Variants in USP19 observed in about 807,000 individuals in gnomAD.
The protein encoded by USP19 is ubiquitin carboxyl-terminal hydrolase 19.
A neutral mutation model predicts 144.8 loss-of-function variants in USP19; 40 were observed. The observed-to-expected ratio is 0.28, with a 90% CI of 0.21 to 0.36. The LOEUF (loss-of-function observed/expected upper bound fraction) is 0.36. Among genes scored for constraint, USP19 ranks in the 10% least tolerant of loss-of-function variants. USP19 has a pLI of 1.00. For missense variants in USP19, 1,518 were observed against 1,822.5 expected, an observed-to-expected ratio of 0.83 and a Z score of 3.04; for synonymous variants, 701 against 709.3, an observed-to-expected ratio of 0.99 and a Z score of 0.19.
Position 49,117,987 on chromosome 3 carries a change from T to G in USP19, c.258A>C (p.Ser86=). 1 of 1,609,464 alleles carries G rather than the reference T, an allele frequency of 6.2e-7. No homozygotes were observed. The highest frequency in any genetic ancestry group is 8.5e-7 in the Non-Finnish European group (1 of 1,178,924). Reference sequence around the variant, plus strand: ...CCTCTTGAGGAGTGGATGCTGACCCTGACGATGAAGGAAAGAACAGCCGGG... The same window carrying G: ...CCTCTTGAGGAGTGGATGCTGACCCGGACGATGAAGGAAAGAACAGCCGGG... ...HRTRLFFPSS[S]GSASTPQEEQ... The change falls in exon 3 of 27, where the codon TCA becomes TCC. Residue 86 remains serine, a synonymous_variant. Coordinates refer to ENST00000417901, the MANE Select transcript of USP19 (RefSeq NM_001199161.2). This position sits in a 1 kb window ranked among gnomAD's most constrained non-coding sequence, Gnocchi z 4.4.
Position 49,117,847 on chromosome 3 carries a change from G to C in USP19, c.299-17C>G, listed in dbSNP as rs746966468. The C allele has an allele frequency of 3.7e-6, 6 of 1,613,910 alleles. No homozygotes were observed. In the East Asian group the frequency reaches 8.9e-5, roughly 24 times the overall value. ...CACAAGCTCCTGATGGTGATAAGCA[G>C]GTAACAGAGACCCAGCCTAATGAAA... On this transcript the variant is annotated splice_polypyrimidine_tract_variant and intron_variant, in intron 3 of 26. Coordinates refer to ENST00000417901, the MANE Select transcript of USP19 (RefSeq NM_001199161.2). The surrounding 1 kb of genome is among the most constrained non-coding windows in gnomAD (Gnocchi z 4.4).
At position 49,111,871 on chromosome 3, in the gene USP19, C is replaced by T. The variant is rs1231847161; in HGVS notation, c.2903+40G>A. ...TGACCAGCCCATCTAGCACCTCTGC[C>T]CCCACCTACACCACTCTAGTCCAAC... On this transcript the variant is annotated intron_variant, in intron 20 of 26. Transcript: ENST00000417901. This position sits in a 1 kb window ranked among gnomAD's most constrained non-coding sequence, Gnocchi z 5.9. 4 of 1,609,854 alleles carry T rather than the reference C, an allele frequency of 2.5e-6. No homozygotes were observed. The highest frequency in any genetic ancestry group is 1.7e-5 in the Admixed American group (1 of 59,714).
Position 49,110,667 on chromosome 3 carries a change from T to C in USP19, c.3698+44A>G, listed in dbSNP as rs1473947291. 1 of 1,611,570 alleles carries C rather than the reference T, an allele frequency of 6.2e-7. No individual in the cohort carries two copies. Among genetic ancestry groups the C allele is most frequent in the Non-Finnish European group, 8.5e-7 (1 of 1,178,472 alleles). ...CAACAGGCGCTCAGGATGCCCATCCTGGTCCTCACACCCCACCCACAGTTA... is the reference window on the plus strand; with the variant it reads ...CAACAGGCGCTCAGGATGCCCATCCCGGTCCTCACACCCCACCCACAGTTA... On this transcript the variant is annotated intron_variant, in intron 24 of 26. Coordinates refer to ENST00000417901, the MANE Select transcript of USP19 (RefSeq NM_001199161.2). This position sits in a 1 kb window ranked among gnomAD's most constrained non-coding sequence, Gnocchi z 6.1.
chr3:49,114,837 T>C lies in USP19; in HGVS notation c.2218A>G (p.Arg740Gly). The C allele has an allele frequency of 6.2e-7, 1 of 1,614,148 alleles. No homozygotes were observed. Among genetic ancestry groups the C allele is most frequent in the African/African-American group, 1.3e-5 (1 of 75,010 alleles). Residue 740 changes from arginine (R) to glycine (G), a missense_variant, in exon 15 of 27, where the codon AGG becomes GGG. Physicochemically the swap from Arg to Gly is moderately radical, Grantham distance 125. This residue lies in a region of USP19 where 158 missense variants were observed against 277.3 expected (regional missense o/e 0.57). Coordinates refer to ENST00000417901, the MANE Select transcript of USP19 (RefSeq NM_001199161.2). This position sits in a 1 kb window ranked among gnomAD's most constrained non-coding sequence, Gnocchi z 4.5. ...AEEAWQRHKMRNDSFIVDLFQ... is the reference protein window; with the variant it reads ...AEEAWQRHKMGNDSFIVDLFQ... ...AGGTCCACGATGAAAGAGTCATTCC[T>C]CATCTTGTGCCGCTGCCATGCTTCC... is the stretch of plus-strand genomic sequence containing the variant.
In USP19 at chr3:49,119,211, G is replaced by A. The variant is rs974015937; in HGVS notation, c.-66C>T. ...GCAACAGCGTCTGGGTCAGGGCTGC[G>A]GCGCTTTCTTCCTGGCCCAGCTATC... On this transcript the variant is annotated 5_prime_UTR_variant, in exon 2 of 27. Coordinates refer to ENST00000417901, the MANE Select transcript of USP19 (RefSeq NM_001199161.2). 22 of 1,541,662 alleles carry A rather than the reference G, an allele frequency of 1.4e-5. No homozygotes were observed. Among genetic ancestry groups the A allele is most frequent in the Admixed American group, 1.0e-4 (5 of 49,186 alleles).
chr3:49,115,549 A>G lies in USP19; in HGVS notation c.1783T>C (p.Cys595Arg). 4 of 1,614,028 alleles carry G rather than the reference A, an allele frequency of 2.5e-6. No homozygotes were observed. The highest frequency in any genetic ancestry group is 2.5e-6 in the Non-Finnish European group (3 of 1,179,982). Residue 595 changes from cysteine (C) to arginine (R), a missense_variant, in exon 12 of 27, where the codon TGT (cysteine) becomes CGT (arginine). This residue lies in a region of USP19 where 158 missense variants were observed against 277.3 expected (regional missense o/e 0.57). Transcript: ENST00000417901. The surrounding 1 kb of genome is among the most constrained non-coding windows in gnomAD (Gnocchi z 6.6). ...ACAAGGCCAGTGAAGCCTGGCAGACACACCTTCTTCTCTTCCTCTTCCTCC... is the reference window on the plus strand; with the variant it reads ...ACAAGGCCAGTGAAGCCTGGCAGACGCACCTTCTTCTCTTCCTCTTCCTCC... ...EEEEEEEKKV[C>R]LPGFTGLVNL...
intron 26 of USP19, among the ~76,000 whole-genome samples, chr3:49,109,738 C>G (rs955782980): frequency 6.6e-6 from 1 of 152,206 alleles, no homozygotes; most frequent in Non-Finnish European, 1.5e-5. Context: ...CAGATGCTTA[C>G]CTCAAAGAGT....
In USP19 at chr3:49,115,222, G is replaced by A. The variant is rs1321697941; in HGVS notation, c.2022+6C>T. On this transcript the variant is annotated splice_donor_region_variant and intron_variant, in intron 13 of 26. Transcript: ENST00000417901. The surrounding 1 kb of genome is among the most constrained non-coding windows in gnomAD (Gnocchi z 6.6). ...CCAGCCAAGGGTGACAGTGGTCACA[G>A]ATCACCTTCAACTTGGAAGGCTGGA... 1 of 1,613,702 alleles carries A rather than the reference G, an allele frequency of 6.2e-7. No homozygotes were observed. The highest frequency in any genetic ancestry group is 8.5e-7 in the Non-Finnish European group (1 of 1,179,968).
At chr3:49,113,182 GA>G (rs1404888047) in intron 17 of USP19, among the ~76,000 whole-genome samples, 7 of 152,226 alleles carry the variant, frequency 4.6e-5, no homozygotes, top group African/African-American at 1.7e-4. Flanking sequence ...TAATGGCTAG[GA>G]ACTGAGGGCA....
In USP19 at chr3:49,110,958, C is replaced by G. The variant is rs752511358; in HGVS notation, c.3537G>C (p.Glu1179Asp). The G allele has an allele frequency of 6.2e-7, 1 of 1,614,050 alleles. No homozygotes were observed. The highest frequency in any genetic ancestry group is 8.5e-7 in the Non-Finnish European group (1 of 1,180,044). The stretch of plus-strand genomic sequence containing the variant: ...TGCTGCTCTGTTCTCACCAGGCCTC[C>G]TCGGGTGCCAGCACCTCAGGCCGTG... ...LFTRPEVLAP[E>D]EAWYCPQCKQ... The change falls in exon 23 of 27, where the codon GAG becomes GAC. Residue 1179 changes from glutamate to aspartate, a missense_variant. Glu to Asp is a conservative substitution (Grantham distance 45). Around this residue, in one of 5 missense-constraint regions of USP19, gnomAD observed 122 missense variants for 200.4 expected, o/e 0.61. Transcript: ENST00000417901. This position sits in a 1 kb window ranked among gnomAD's most constrained non-coding sequence, Gnocchi z 6.1.
chr3:49,111,689 G>T lies in USP19; in HGVS notation c.3028C>A (p.Pro1010Thr). ...AGCTGGAGCTCAGGTGGCTGAATGG[G>T]GTCTCTCTCGCTGTCCCCAGCCTCC... is the stretch of plus-strand genomic sequence containing the variant. ...SLEAGDSERD[P>T]IQPPELQLVT... Residue 1010 changes from proline (P) to threonine (T), a missense_variant, in exon 21 of 27, where the codon CCC (proline) becomes ACC (threonine). Pro to Thr is a conservative substitution (Grantham distance 38). Coordinates refer to ENST00000417901, the MANE Select transcript of USP19 (RefSeq NM_001199161.2). This position sits in a 1 kb window ranked among gnomAD's most constrained non-coding sequence, Gnocchi z 5.9. 7 of 1,599,024 alleles carry T rather than the reference G, an allele frequency of 4.4e-6. No homozygotes were observed. The highest frequency in any genetic ancestry group is 6.0e-6 in the Non-Finnish European group (7 of 1,171,616).
Position 49,110,477 on chromosome 3 carries a change from G to A in USP19, c.3826C>T (p.Pro1276Ser). 1.2e-6 allele frequency: 2 copies of A among 1,614,190 alleles called. No individual in the cohort carries two copies. The highest frequency in any genetic ancestry group is 1.7e-6 in the Non-Finnish European group (2 of 1,180,036). Reference protein sequence around the residue: ...GGHYTACARLPNDRSSQRSDV... With the variant: ...GGHYTACARLSNDRSSQRSDV... ...CTGCGCTGACTGCTACGATCATTGGGCAGGCGTGCACAGGCAGTGTAGTGG... is the reference window on the plus strand; with the variant it reads ...CTGCGCTGACTGCTACGATCATTGGACAGGCGTGCACAGGCAGTGTAGTGG... The change falls in exon 25 of 27, where the codon CCC becomes TCC. Residue 1276 changes from proline (P) to serine (S), a missense_variant. By Grantham distance (74) the Pro-to-Ser change is moderately conservative. Around this residue, in one of 5 missense-constraint regions of USP19, gnomAD observed 122 missense variants for 200.4 expected, o/e 0.61. Coordinates refer to ENST00000417901, the MANE Select transcript of USP19 (RefSeq NM_001199161.2). This position sits in a 1 kb window ranked among gnomAD's most constrained non-coding sequence, Gnocchi z 6.1.
In USP19 at chr3:49,113,979, A is replaced by G. The variant is rs957724945; in HGVS notation, c.2505+13T>C. On this transcript the variant is annotated intron_variant, in intron 17 of 26. Transcript: ENST00000417901. ...ATCCACACATGTGATAGCCCAAGGA[A>G]GGACAAAGATACCTCCGCCAAACGC... 1 of 1,613,542 alleles carries G rather than the reference A, an allele frequency of 6.2e-7. No homozygotes were observed. Among genetic ancestry groups the G allele is most frequent in the African/African-American group, 1.3e-5 (1 of 74,934 alleles).
rs774642060 is a variant in USP19 at position 49,115,377 on chromosome 3, G to A, written c.1889-16C>T. The A allele has an allele frequency of 1.7e-5, 27 of 1,613,990 alleles. No homozygotes were observed. The highest frequency in any genetic ancestry group is 4.0e-5 in the African/African-American group (3 of 74,868). On this transcript the variant is annotated splice_polypyrimidine_tract_variant and intron_variant, in intron 12 of 26. Coordinates refer to ENST00000417901, the MANE Select transcript of USP19 (RefSeq NM_001199161.2). The surrounding 1 kb of genome is among the most constrained non-coding windows in gnomAD (Gnocchi z 6.6). ...AAGGAGCGGTCTAGGAATAGTAGCC[G>A]AGCAAAGGTGTGAGGAACAAAGGCA...
chr3:49,117,286 C>A lies in USP19; in HGVS notation c.682G>T (p.Ala228Ser). 1 of 1,575,290 alleles carries A rather than the reference C, an allele frequency of 6.3e-7. No individual in the cohort carries two copies. Among genetic ancestry groups the A allele is most frequent in the Non-Finnish European group, 8.6e-7 (1 of 1,159,448 alleles). Residue 228 changes from alanine (A) to serine (S), a missense_variant, in exon 6 of 27, where the codon GCC (alanine) becomes TCC (serine). Coordinates refer to ENST00000417901, the MANE Select transcript of USP19 (RefSeq NM_001199161.2). The surrounding 1 kb of genome is among the most constrained non-coding windows in gnomAD (Gnocchi z 4.4). ...TGGGGCTCAGGGCCTGGCTCCAGGG[C>A]AATGGGAGACAGTTCCTGCCCATTC... ...QENGQELSPI[A>S]LEPGPEPHRA... is the part of the protein sequence containing the mutation.
In USP19 at chr3:49,110,908, T is replaced by C; in HGVS notation, c.3545+42A>G. ...GGTCAGGACCAGCAAGTCTCTCTCT[T>C]CTCCATCCTGCCCCCTTATCTACTT... On this transcript the variant is annotated intron_variant, in intron 23 of 26. Transcript: ENST00000417901. This position sits in a 1 kb window ranked among gnomAD's most constrained non-coding sequence, Gnocchi z 6.1. 18 of 1,613,642 alleles carry C rather than the reference T, an allele frequency of 1.1e-5. No individual in the cohort carries two copies. The highest frequency in any genetic ancestry group is 1.5e-5 in the Non-Finnish European group (18 of 1,179,666).
rs141035415 is a variant in USP19, at chr3:49,117,605, G to A, written c.473-35C>T. On this transcript the variant is annotated intron_variant, in intron 4 of 26. Coordinates refer to ENST00000417901, the MANE Select transcript of USP19 (RefSeq NM_001199161.2). The surrounding 1 kb of genome is among the most constrained non-coding windows in gnomAD (Gnocchi z 4.4). ...GAGCAGGGTCCATGAGGTAGGATAG[G>A]AGATATCAGAAGATTCAAACATACT... 9.7e-4 allele frequency: 1,560 copies of A among 1,614,062 alleles called. 14 individuals are homozygous for A. The African/African-American group carries it at 0.018, about 18-fold the overall frequency.
In USP19 at chr3:49,108,471, A is replaced by G; in HGVS notation, c.4096T>C (p.Phe1366Leu). Residue 1366 changes from phenylalanine (F) to leucine (L), a missense_variant, in exon 27 of 27, where the codon TTC (phenylalanine) becomes CTC (leucine). This residue lies in a region of USP19 where 118 missense variants were observed against 100.2 expected (regional missense o/e 1.18). Transcript: ENST00000417901. This position sits in a 1 kb window ranked among gnomAD's most constrained non-coding sequence, Gnocchi z 4.8. The part of the protein sequence containing the change: ...VAPTRTAPER[F>L]APPVDRPAPT... ...GCTGGCCGATCCACAGGGGGGGCGA[A>G]GCGTTCAGGGGCTGTCCGCGTGGGG... The G allele has an allele frequency of 7.5e-7, 1 of 1,341,454 alleles. No homozygotes were observed. Among genetic ancestry groups the G allele is most frequent in the Non-Finnish European group, 9.7e-7 (1 of 1,034,290 alleles). 83.1% of individuals were successfully genotyped at this position (1,341,454 alleles called of 1,614,324 possible).
intron 1 of USP19, among the ~76,000 whole-genome samples, chr3:49,119,543 A>G (rs866465584): frequency 3.9e-5 from 6 of 152,254 alleles, no homozygotes; most frequent in South Asian, 2.1e-4. Context: ...AGGTCAAGGA[A>G]GTCATGGCCT....
Sources: gnomAD v4.1 joint callset for allele counts (sites outside exome capture counted in the v4.1 genomes callset) on GRCh38, gnomAD v4.1.1 for gene constraint, gnomAD v4.1.1 regional missense constraint, Gnocchi (gnomAD v3.1) non-coding constraint, MANE v1.5 for transcripts, NCBI Gene and HGNC (gene_info 2026-07-23, HGNC 2026-07-21) for gene names.